The following PLCB4 variants were observed in gnomAD, a reference collection of about 807,000 sequenced individuals.
PLCB4 encodes the protein phospholipase C beta 4, also known as 1-phosphatidylinositol 4,5-bisphosphate phosphodiesterase beta-4.
Under a neutral mutation model 178.8 loss-of-function variants are expected in PLCB4, and 77 were observed. The ratio of observed to expected loss-of-function variants is 0.43; its 90% CI spans 0.36 to 0.52. PLCB4 has a LOEUF of 0.52. PLCB4 is among the 20% of genes least tolerant of loss of function. The pLI, the probability that PLCB4 is intolerant of heterozygous loss-of-function variation, is 0.00. For synonymous variants in PLCB4, 496 were observed against 490.8 expected, an observed-to-expected ratio of 1.01 and a Z score of -0.14; for missense variants, 1,024 against 1,453.4, an observed-to-expected ratio of 0.70 and a Z score of 4.80.
At chr20:9,351,313 G>A (rs2034320714) in intron 7 of PLCB4, among the ~76,000 whole-genome samples, 2 of 151,812 alleles carry the variant, frequency 1.3e-5, no homozygotes, top group Admixed American at 1.3e-4. Context: ...ATTCTTATGT[G>A]GATCTCAGCA....
chr20:9,450,154 C>T (rs1017960774), intron 32 of PLCB4, among the ~76,000 whole-genome samples: 6 of 152,172 alleles, frequency 3.9e-5, no homozygotes, highest in African/African-American at 1.4e-4. Context: ...TAAGTTAACA[C>T]ATTTAATTTT....
At chr20:9,322,358 T>G (rs2094970964) in intron 4 of PLCB4, among the ~76,000 whole-genome samples, 1 of 152,204 alleles carries the variant, frequency 6.6e-6, no homozygotes, top group Non-Finnish European at 1.5e-5. Context: ...AGACATAAAA[T>G]ATTGTCAGCG....
At chr20:9,393,830 A>G (rs2148428118) in intron 18 of PLCB4, 152 bp downstream of exon 18, 1 of 484,652 alleles carries the variant, frequency 2.1e-6, no homozygotes, top group East Asian at 3.4e-5. Context: ...AGATTGCCAC[A>G]TTTCCATTTA....
At chr20:9,361,992 T>C (rs180827141) in intron 7 of PLCB4, among the ~76,000 whole-genome samples, 4 of 152,234 alleles carry the variant, frequency 2.6e-5, no homozygotes, top group Non-Finnish European at 5.9e-5. Context: ...TCTATATTAC[T>C]ATCTATTCCA....
chr20:9,440,321 T>C (rs2042031893), intron 30 of PLCB4, among the ~76,000 whole-genome samples: 1 of 152,240 alleles, frequency 6.6e-6, no homozygotes, highest in South Asian at 2.1e-4. Context: ...ACAAAGCCTA[T>C]TTTATAATAA....
At chr20:9,445,027 A>G (rs1201742932) in intron 32 of PLCB4, among the ~76,000 whole-genome samples, 2 of 152,182 alleles carry the variant, frequency 1.3e-5, no homozygotes, top group African/African-American at 2.4e-5. Context: ...CTTTTTACCC[A>G]TAAGAAGTGG....
At chr20:9,342,741 A>G (rs937528336) in intron 7 of PLCB4, among the ~76,000 whole-genome samples, 1 of 151,316 alleles carries the variant, frequency 6.6e-6, no homozygotes, top group African/African-American at 2.4e-5. Flanking sequence ...GAGACTAAGG[A>G]CACTCATTGG....
At chr20:9,263,935 A>T (rs1569038295) in intron 3 of PLCB4, among the ~76,000 whole-genome samples, 1 of 152,152 alleles carries the variant, frequency 6.6e-6, no homozygotes, top group African/African-American at 2.4e-5. Flanking sequence ...ATTAGTTATT[A>T]CCTTGAGGTT....
intron 3 of PLCB4, among the ~76,000 whole-genome samples, chr20:9,274,057 T>G (rs1406832772): frequency 6.6e-6 from 1 of 152,000 alleles, no homozygotes; most frequent in Non-Finnish European, 1.5e-5. Context: ...ACTTCGTAAC[T>G]GATTGGCTGG....
At chr20:9,460,201 C>T (rs972278122) in intron 35 of PLCB4, among the ~76,000 whole-genome samples, 1 of 152,206 alleles carries the variant, frequency 6.6e-6, no homozygotes, top group African/African-American at 2.4e-5. Context: ...GCATATGACA[C>T]ATATTTTAAA....
chr20:9,126,974 C>T (rs2092131430), intron 2 of PLCB4, among the ~76,000 whole-genome samples: 1 of 152,128 alleles, frequency 6.6e-6, no homozygotes, highest in Non-Finnish European at 1.5e-5. Flanking sequence ...GTAATACTAA[C>T]AGTCATAAGT....
At chr20:9,083,955 C>G (rs2090283521) in intron 1 of PLCB4, among the ~76,000 whole-genome samples, 1 of 152,168 alleles carries the variant, frequency 6.6e-6, no homozygotes, top group Non-Finnish European at 1.5e-5. Context: ...TATGGCAGTC[C>G]TAGAAACCTA....
At chr20:9,139,737 A>G (rs1024863283) in intron 2 of PLCB4, among the ~76,000 whole-genome samples, 11 of 151,954 alleles carry the variant, frequency 7.2e-5, no homozygotes, top group Non-Finnish European at 1.5e-5. Context: ...AAGGCCCAAC[A>G]TGTTCCACGT....
chr20:9,235,095 G>A (rs954941831), intron 3 of PLCB4, among the ~76,000 whole-genome samples: 4 of 152,120 alleles, frequency 2.6e-5, no homozygotes, highest in Non-Finnish European at 5.9e-5. Context: ...TATAGGATGG[G>A]TAAGAAGGAA....
rs937944692 is a variant in PLCB4, at chr20:9,351,136, ATTTC to A, written c.370-11756_370-11753del. ...TTATGGTAGTGCTTTCAGAAGAAGT[ATTTC>A]TTTTTTTTTTTTTTGGAGGAGCTGG... is the stretch of plus-strand genomic sequence containing the variant. On this transcript the variant is annotated intron_variant, in intron 7 of 39. Coordinates refer to ENST00000378473, the MANE Select transcript of PLCB4 (RefSeq NM_001377142.1). 3.3e-4 allele frequency among the ~76,000 whole-genome samples: 48 copies of A among 146,920 alleles called. 1 individual carries two copies. In the South Asian group the frequency reaches 0.01, roughly 31 times the overall value.
intron 7 of PLCB4, among the ~76,000 whole-genome samples, chr20:9,344,084 T>C (rs1483434623): frequency 1.3e-5 from 2 of 152,196 alleles, no homozygotes; most frequent in Non-Finnish European, 2.9e-5. Context: ...TCAGATCACA[T>C]CACTCCACTG....
chr20:9,313,074 G>T (rs76551044), intron 4 of PLCB4, among the ~76,000 whole-genome samples: 81 of 152,100 alleles, frequency 5.3e-4, no homozygotes, highest in African/African-American at 1.9e-3. Flanking sequence ...ATGAAAAGAG[G>T]GATGGCCATC....
intron 13 of PLCB4, among the ~76,000 whole-genome samples, chr20:9,381,206 A>G (rs2037112155): frequency 1.3e-5 from 2 of 152,224 alleles, no homozygotes; most frequent in African/African-American, 4.8e-5. Context: ...TTATGATTAC[A>G]GCAAAGGGAG....
Position 9,360,966 on chromosome 20 carries a change from C to G in PLCB4, c.370-1930C>G, listed in dbSNP as rs987266868. Among the ~76,000 whole-genome samples the G allele has an allele frequency of 5.3e-5, 8 of 152,090 alleles. No individual in the cohort carries two copies. The East Asian group carries it at 1.2e-3, about 22-fold the overall frequency. On this transcript the variant is annotated intron_variant, in intron 7 of 39. Transcript: ENST00000378473. Reference sequence around the variant, plus strand: ...TTTGGCTACTACTTAAAAAAAGAAACAAACAAACAAAAAAACCCAGAAAAT... The same window carrying G: ...TTTGGCTACTACTTAAAAAAAGAAAGAAACAAACAAAAAAACCCAGAAAAT...
Sources: gnomAD v4.1 joint callset for allele counts (sites outside exome capture counted in the v4.1 genomes callset) on GRCh38, gnomAD v4.1.1 for gene constraint, MANE v1.5 for transcripts, NCBI Gene and HGNC (gene_info 2026-07-23, HGNC 2026-07-21) for gene names.